The following PPARA variants were observed in gnomAD, a reference collection of about 807,000 sequenced individuals.
PPARA encodes peroxisome proliferator-activated receptor alpha.
Under a neutral mutation model 42.2 loss-of-function variants are expected in PPARA, and 22 were observed. The ratio of observed to expected loss-of-function variants is 0.52; its 90% CI spans 0.37 to 0.74. The LOEUF is 0.74. PPARA is among the 30% of genes least tolerant of loss of function. The pLI is 0.00. For missense variants in PPARA, 465 were observed against 608.2 expected, an observed-to-expected ratio of 0.76 and a Z score of 2.48; for synonymous variants, 242 against 239.3, an observed-to-expected ratio of 1.01 and a Z score of -0.10.
At chr22:46,166,703 A>G (rs1927133521) in intron 2 of PPARA, among the ~76,000 whole-genome samples, 1 of 152,208 alleles carries the variant, frequency 6.6e-6, no homozygotes, top group African/African-American at 2.4e-5. Context: ...GTACACTGTA[A>G]TCTACAAAAC....
rs1934483656 is a variant in PPARA at position 46,216,331 on chromosome 22, T to C, written c.369+998T>C. On this transcript the variant is annotated intron_variant, in intron 5 of 8. Coordinates refer to ENST00000407236, the MANE Select transcript of PPARA (RefSeq NM_005036.6). This position sits in a 1 kb window ranked among gnomAD's most constrained non-coding sequence, Gnocchi z 4.5. ...TCAGGAGGCGGAGGTTGCAGTGAGC[T>C]GAGATCGAGCCATTTCACTCCAGCC... is the stretch of plus-strand genomic sequence containing the variant. Among the ~76,000 whole-genome samples the C allele has an allele frequency of 2.0e-5, 3 of 149,080 alleles. No individual in the cohort carries two copies.
chr22:46,220,406 C>G (rs1227180456), intron 7 of PPARA: 2 of 308,928 alleles, frequency 6.5e-6, no homozygotes, highest in Non-Finnish European at 6.3e-6. Context: ...CCTTGAACTC[C>G]TGGGCTCAAG....
rs4253778 is a variant in PPARA at position 46,234,737 on chromosome 22, G to C, written c.1160-396G>C. Among the ~76,000 whole-genome samples the C allele has an allele frequency of 0.31, 47,324 of 152,118 alleles. 11,585 individuals carry two copies. The highest frequency in any genetic ancestry group is 0.68 in the African/African-American group (28,370 of 41,472). On this transcript the variant is annotated intron_variant, in intron 8 of 8. Transcript: ENST00000407236. The surrounding 1 kb of genome is among the most constrained non-coding windows in gnomAD (Gnocchi z 5.8). Reference sequence around the variant, plus strand: ...ACACTTGAAGCTTGATATCTAGTTTGGATTCAAAAGCTTCATTTCCCATAT... The same window carrying C: ...ACACTTGAAGCTTGATATCTAGTTTCGATTCAAAAGCTTCATTTCCCATAT...
At position 46,233,579 on chromosome 22, in the gene PPARA, G is replaced by A. The variant is rs2147710176; in HGVS notation, c.1159+1340G>A. 6.6e-6 allele frequency among the ~76,000 whole-genome samples: 1 copy of A among 152,302 alleles called. No homozygotes were observed. On this transcript the variant is annotated intron_variant, in intron 8 of 8. Transcript: ENST00000407236. The surrounding 1 kb of genome is among the most constrained non-coding windows in gnomAD (Gnocchi z 7.3). ...CAGATGAAGGAAGTCCTTGCGCTCT[G>A]GCATAAAGTGTACAAAGACAAAGCA...
Position 46,225,570 on chromosome 22 carries a change from C to CA in PPARA, c.711+5557dup, listed in dbSNP as rs910223242. 6.6e-5 allele frequency among the ~76,000 whole-genome samples: 10 copies of CA among 152,076 alleles called. No individual in the cohort carries two copies. The highest frequency in any genetic ancestry group is 2.4e-4 in the African/African-American group (10 of 41,384). On this transcript the variant is annotated intron_variant, in intron 7 of 8. Transcript: ENST00000407236. This position sits in a 1 kb window ranked among gnomAD's most constrained non-coding sequence, Gnocchi z 4.1. ...GTACACACACATACACGTGCACCCACATGCATGCTCACACACATGCACCCA... is the reference window on the plus strand; with the variant it reads ...GTACACACACATACACGTGCACCCACAATGCATGCTCACACACATGCACCCA...
At chr22:46,174,050 C>T (rs1020171435) in intron 2 of PPARA, among the ~76,000 whole-genome samples, 2 of 122,106 alleles carry the variant, frequency 1.6e-5, no homozygotes, top group South Asian at 2.4e-4. Flanking sequence ...TGGTGGTGCA[C>T]GTCTGTAGTC....
In PPARA at chr22:46,211,007, A is replaced by T. The variant is rs1177424485; in HGVS notation, c.209-4166A>T. 6.6e-6 allele frequency among the ~76,000 whole-genome samples: 1 copy of T among 152,160 alleles called. No homozygotes were observed. On this transcript the variant is annotated intron_variant, in intron 4 of 8. Transcript: ENST00000407236. This position sits in a 1 kb window ranked among gnomAD's most constrained non-coding sequence, Gnocchi z 4.1. ...GACTTCAGTGATCTTCCACTGTGGG[A>T]GGCGAGAGCAGGACTATATCCAGCT...
In PPARA at chr22:46,240,630, G is replaced by A. The variant is rs1936347075; in HGVS notation, c.*5250G>A. The A allele has an allele frequency of 5.8e-6, 1 of 173,576 alleles. No homozygotes were observed. The highest frequency in any genetic ancestry group is 2.4e-5 in the African/African-American group (1 of 42,336). 10.8% of individuals were successfully genotyped at this position (173,576 alleles called of 1,614,324 possible). A position where few individuals can be genotyped will look rare whatever the true frequency, so the allele number is the denominator to read the frequency against. ...ATGAAGACTGATGCCACCACCTGAA[G>A]GCTCATGATTGTTAAAAATGTCCAC... On this transcript the variant is annotated 3_prime_UTR_variant, in exon 9 of 9. Transcript: ENST00000407236. This position sits in a 1 kb window ranked among gnomAD's most constrained non-coding sequence, Gnocchi z 6.0.
chr22:46,218,991 G>A (rs923269437), intron 6 of PPARA, among the ~76,000 whole-genome samples: 6 of 151,572 alleles, frequency 4.0e-5, no homozygotes, highest in Admixed American at 2.6e-4. Context: ...GCAAAACCCC[G>A]TCTCTAATAA....
Position 46,160,811 on chromosome 22 carries a change from A to T in PPARA, c.-127+8841A>T, listed in dbSNP as rs1244551383. On this transcript the variant is annotated intron_variant, in intron 2 of 8. Transcript: ENST00000407236. The surrounding 1 kb of genome is among the most constrained non-coding windows in gnomAD (Gnocchi z 4.5). ...AGATGGGGTTTAGCCATGTTCAGCT[A>T]GTCTCAAACTCCTGGGCTCAAGTGA... Among the ~76,000 whole-genome samples, 1 of 152,172 alleles carries T rather than the reference A, an allele frequency of 6.6e-6. No individual in the cohort carries two copies. Among genetic ancestry groups the T allele is most frequent in the Non-Finnish European group, 1.5e-5 (1 of 68,038 alleles).
intron 4 of PPARA, among the ~76,000 whole-genome samples, chr22:46,214,414 TGCGGATC>T (rs1934243019): frequency 6.8e-6 from 1 of 148,004 alleles, no homozygotes; most frequent in South Asian, 2.2e-4. Context: ...TCCCGAGATG[TGCGGATC>T]GGAGATGTGG....
Position 46,231,827 on chromosome 22 carries a change from G to T in PPARA, c.747G>T (p.Met249Ile). 6.2e-7 allele frequency: 1 copy of T among 1,613,888 alleles called. No individual in the cohort carries two copies. Among genetic ancestry groups the T allele is most frequent in the Non-Finnish European group, 8.5e-7 (1 of 1,180,036 alleles). Reference protein sequence around the residue: ...FVIHDMETLCMAEKTLVAKLV... With the variant: ...FVIHDMETLCIAEKTLVAKLV... ...TACATGATATGGAGACACTGTGTAT[G>T]GCTGAGAAGACGCTGGTGGCCAAGC... is the stretch of plus-strand genomic sequence containing the variant. Residue 249 changes from methionine (M) to isoleucine (I), a missense_variant, in exon 8 of 9, where the codon ATG becomes ATT. Met to Ile is a conservative substitution (Grantham distance 10, BLOSUM62 1). Transcript: ENST00000407236. The surrounding 1 kb of genome is among the most constrained non-coding windows in gnomAD (Gnocchi z 7.7).
intron 4 of PPARA, among the ~76,000 whole-genome samples, chr22:46,208,097 T>C (rs943026537): frequency 6.6e-6 from 1 of 152,216 alleles, no homozygotes; most frequent in African/African-American, 2.4e-5. Context: ...GCTTTAACTT[T>C]ATTTATTAAT....
chr22:46,209,606 C>A (rs545691353), intron 4 of PPARA, among the ~76,000 whole-genome samples: 2 of 152,242 alleles, frequency 1.3e-5, no homozygotes, highest in South Asian at 4.1e-4. Flanking sequence ...TAATCCTATC[C>A]AGTGTATTTT....
chr22:46,172,966 C>T (rs2147204964), intron 2 of PPARA, among the ~76,000 whole-genome samples: 1 of 152,320 alleles, frequency 6.6e-6, no homozygotes, highest in African/African-American at 2.4e-5. Context: ...TATTTTTATG[C>T]AGAGCTTTAC....
At position 46,167,164 on chromosome 22, in the gene PPARA, C is replaced by G. The variant is rs556490585; in HGVS notation, c.-126-9589C>G. Among the ~76,000 whole-genome samples the G allele has an allele frequency of 5.9e-5, 9 of 151,912 alleles. No individual in the cohort carries two copies. Among genetic ancestry groups the G allele is most frequent in the African/African-American group, 2.2e-4 (9 of 41,364 alleles). ...ATCTTTTCAACAAATGATACCGGAA[C>G]AACTGGATAGCCATATGCAAAAGAA... On this transcript the variant is annotated intron_variant, in intron 2 of 8. Coordinates refer to ENST00000407236, the MANE Select transcript of PPARA (RefSeq NM_005036.6). The surrounding 1 kb of genome is among the most constrained non-coding windows in gnomAD (Gnocchi z 4.1).
rs556611242 is a variant in PPARA at position 46,232,436 on chromosome 22, ATATTGT to A, written c.1159+202_1159+207del. 3.3e-3 allele frequency among the ~76,000 whole-genome samples: 500 copies of A among 152,024 alleles called. 2 individuals carry two copies. In the Middle Eastern group the frequency reaches 0.038, roughly 12 times the overall value. Reference sequence around the variant, plus strand: ...ACAATATTGTATAATATTATAGTATATATTGTTATTATCTATAAATACATATTTAAT... The same window carrying A: ...ACAATATTGTATAATATTATAGTATATATTATCTATAAATACATATTTAAT... On this transcript the variant is annotated intron_variant, in intron 8 of 8. Coordinates refer to ENST00000407236, the MANE Select transcript of PPARA (RefSeq NM_005036.6). This position sits in a 1 kb window ranked among gnomAD's most constrained non-coding sequence, Gnocchi z 5.3.
rs768386370 is a variant in PPARA at position 46,170,543 on chromosome 22, C to T, written c.-126-6210C>T. Among the ~76,000 whole-genome samples the T allele has an allele frequency of 9.3e-5, 14 of 151,014 alleles. 1 individual carries two copies. Among genetic ancestry groups the T allele is most frequent in the Non-Finnish European group, 1.6e-4 (11 of 67,778 alleles). ...GGATTACAGGTGTGAGCCACTGCAC[C>T]GGTCCTGATTTGAGTTTTTGTAAGA... On this transcript the variant is annotated intron_variant, in intron 2 of 8. Transcript: ENST00000407236.
At chr22:46,201,433 C>T (rs5766714) in intron 4 of PPARA, among the ~76,000 whole-genome samples, 1 of 152,052 alleles carries the variant, frequency 6.6e-6, no homozygotes, top group African/African-American at 2.4e-5. Context: ...AGAGGATAAG[C>T]GCTGTGGAAG....
Sources: gnomAD v4.1 joint callset for allele counts (sites outside exome capture counted in the v4.1 genomes callset) on GRCh38, gnomAD v4.1.1 for gene constraint, Gnocchi (gnomAD v3.1) non-coding constraint, MANE v1.5 for transcripts, NCBI Gene and HGNC (gene_info 2026-07-23, HGNC 2026-07-21) for gene names.